PTPRO: variants seen among roughly 807,000 people sequenced by gnomAD.
The protein encoded by PTPRO is receptor-type tyrosine-protein phosphatase O.
In PTPRO, 62 loss-of-function variants were observed where a neutral mutation model predicts 145.2. The ratio of observed to expected loss-of-function variants is 0.43; its 90% CI spans 0.35 to 0.53. The LOEUF is 0.53. Among genes scored for constraint, PTPRO ranks in the 20% least tolerant of loss-of-function variants. PTPRO has a pLI of 0.01. For synonymous variants in PTPRO, 565 were observed against 514.7 expected (o/e 1.10, Z -1.32); for missense variants, 1,345 against 1,482.7 (o/e 0.91, Z 1.53).
intron 12 of PTPRO, among the ~76,000 whole-genome samples, chr12:15,533,865 A>G (rs921433198): frequency 6.6e-6 from 1 of 152,148 alleles, no homozygotes; most frequent in Non-Finnish European, 1.5e-5. Flanking sequence ...TTTATCTATA[A>G]TAGAGGCCTC....
rs1399277420 is a variant in PTPRO at position 15,373,988 on chromosome 12, C to T, written c.75+51187C>T. Among the ~76,000 whole-genome samples the T allele has an allele frequency of 3.3e-5, 5 of 152,050 alleles. No homozygotes were observed. The East Asian group carries it at 5.8e-4, about 18-fold the overall frequency. ...TCATCATATTTTTTCAAGACTCGGT[C>T]ACCTCAAAAATTCAAAGAACAATTG... On this transcript the variant is annotated intron_variant, in intron 1 of 26. Transcript: ENST00000281171.
chr12:15,410,473 C>T (rs556675057), intron 1 of PTPRO: 8 of 152,316 alleles, frequency 5.3e-5, no homozygotes, highest in Non-Finnish European at 1.5e-5. Context: ...TCTTCTTCTG[C>T]CTTTGATGCT....
chr12:15,546,141 T>C (rs1943282750), intron 12 of PTPRO, among the ~76,000 whole-genome samples: 1 of 152,214 alleles, frequency 6.6e-6, no homozygotes, highest in African/African-American at 2.4e-5. Flanking sequence ...GACAGGTTGT[T>C]GGCTAAATAC....
chr12:15,367,115 G>A (rs1165342855), intron 1 of PTPRO, among the ~76,000 whole-genome samples: 8 of 152,118 alleles, frequency 5.3e-5, no homozygotes, highest in Non-Finnish European at 1.2e-4. Context: ...ATATTTTTGA[G>A]CATCTACTTT....
intron 1 of PTPRO, among the ~76,000 whole-genome samples, chr12:15,337,134 T>A (rs974548699): frequency 6.6e-5 from 10 of 152,108 alleles, no homozygotes; most frequent in African/African-American, 2.4e-4. Context: ...AAACGTTTTG[T>A]AGGAAGAAAT....
chr12:15,538,358 G>A (rs1943109144), intron 12 of PTPRO, among the ~76,000 whole-genome samples: 1 of 151,968 alleles, frequency 6.6e-6, no homozygotes, highest in South Asian at 2.1e-4. Context: ...CCAAGTAGCT[G>A]GGATTACAGG....
chr12:15,579,994 C>A, intron 20 of PTPRO, 45 bp from the exon 21 acceptor site: 1 of 1,508,652 alleles, frequency 6.6e-7, no homozygotes, highest in South Asian at 1.1e-5. Context: ...ATAATTTTTC[C>A]TTCCATCTTG....
intron 1 of PTPRO, among the ~76,000 whole-genome samples, chr12:15,447,645 A>G (rs1940933947): frequency 6.6e-6 from 1 of 152,212 alleles, no homozygotes; most frequent in African/African-American, 2.4e-5. Flanking sequence ...ATTCAAACAT[A>G]GATTCTTGAA....
chr12:15,587,274 A>C (rs1944449518), intron 24 of PTPRO: 1 of 551,684 alleles, frequency 1.8e-6, no homozygotes, highest in Non-Finnish European at 3.2e-6. Flanking sequence ...TTTTTAAATG[A>C]AAAAAATAGA....
intron 1 of PTPRO, among the ~76,000 whole-genome samples, chr12:15,421,574 G>C (rs1407704216): frequency 6.6e-6 from 1 of 152,146 alleles, no homozygotes; most frequent in Non-Finnish European, 1.5e-5. Flanking sequence ...AGTTTAATTT[G>C]CCAGCAGGTT....
intron 15 of PTPRO, among the ~76,000 whole-genome samples, chr12:15,552,690 T>G (rs1273662687): frequency 1.3e-5 from 2 of 152,078 alleles, no homozygotes; most frequent in Non-Finnish European, 2.9e-5. Context: ...AAAATAAGCT[T>G]CTTGAAGGTT....
intron 19 of PTPRO, among the ~76,000 whole-genome samples, chr12:15,575,824 T>G (rs959540831): frequency 2.0e-5 from 3 of 152,224 alleles, no homozygotes; most frequent in Non-Finnish European, 4.4e-5. Flanking sequence ...TTTCAGCTTC[T>G]GTTGGCCACA....
chr12:15,464,716 G>C (rs1324082762), intron 1 of PTPRO, among the ~76,000 whole-genome samples: 1 of 151,852 alleles, frequency 6.6e-6, no homozygotes, highest in East Asian at 1.9e-4. Context: ...GAGATATTTT[G>C]TTTGTTGTAA....
intron 1 of PTPRO, among the ~76,000 whole-genome samples, chr12:15,391,139 G>T (rs983799): frequency 0.19 from 28,296 of 152,166 alleles, 2,738 homozygotes; most frequent in South Asian, 0.22. Context: ...ACAAGGAACT[G>T]TGGGAGGATG....
intron 1 of PTPRO, among the ~76,000 whole-genome samples, chr12:15,407,893 C>A: frequency 6.6e-6 from 1 of 152,126 alleles, no homozygotes; most frequent in East Asian, 1.9e-4. Flanking sequence ...GTTGACTGCT[C>A]CTACAAGATG....
intron 1 of PTPRO, among the ~76,000 whole-genome samples, chr12:15,476,732 C>CA (rs201808458): frequency 0.02 from 2,996 of 151,500 alleles, 114 homozygotes; most frequent in East Asian, 0.14. Flanking sequence ...TTTATGCAGC[C>CA]AAAAAACACA....
At chr12:15,476,165 G>A (rs1260003985) in intron 1 of PTPRO, among the ~76,000 whole-genome samples, 1 of 152,084 alleles carries the variant, frequency 6.6e-6, no homozygotes, top group African/African-American at 2.4e-5. Context: ...GGTGGTGGTG[G>A]TGGTGCCAGA....
intron 1 of PTPRO, among the ~76,000 whole-genome samples, chr12:15,467,079 T>C (rs527820095): frequency 1.3e-5 from 2 of 152,302 alleles, no homozygotes; most frequent in African/African-American, 4.8e-5. Flanking sequence ...TTCAGGGAGT[T>C]GTTAAGAGGA....
chr12:15,458,249 G>C (rs1121611), intron 1 of PTPRO, among the ~76,000 whole-genome samples: 1 of 151,984 alleles, frequency 6.6e-6, no homozygotes, highest in Non-Finnish European at 1.5e-5. Context: ...TTCCCTGTAT[G>C]TGATAAGTCA....
Sources: allele counts gnomAD v4.1 joint callset (sites outside exome capture counted in the v4.1 genomes callset), GRCh38; gene constraint gnomAD v4.1.1; transcripts MANE v1.5; gene names NCBI Gene and HGNC (gene_info 2026-07-23, HGNC 2026-07-21).